The following SHISA9 variants were observed in gnomAD, a reference collection of about 807,000 sequenced individuals.
The protein encoded by SHISA9 is shisa family member 9.
In SHISA9, 13 loss-of-function variants were observed where a neutral mutation model predicts 38.0. That is an observed-to-expected ratio of 0.34 (90% CI 0.22 to 0.54). SHISA9 has a LOEUF of 0.54. Among genes scored for constraint, SHISA9 ranks in the 20% least tolerant of loss-of-function variants. The pLI is 0.91. For missense variants in SHISA9, 538 were observed against 575.8 expected, an observed-to-expected ratio of 0.93 and a Z score of 0.67; for synonymous variants, 275 against 242.0, an observed-to-expected ratio of 1.14 and a Z score of -1.27.
the SHISA9 span, among the ~76,000 whole-genome samples, chr16:13,536,627 C>T: frequency 1.3e-5 from 2 of 152,150 alleles, no homozygotes; most frequent in African/African-American, 2.4e-5. Flanking sequence ...AAGAAGAAGA[C>T]GCTGGAAGGG....
chr16:13,197,402 T>C (rs1162994686), intron 2 of SHISA9, among the ~76,000 whole-genome samples: 5 of 152,144 alleles, frequency 3.3e-5, no homozygotes, highest in African/African-American at 1.2e-4. Context: ...TCTCTCAGTA[T>C]TTATAACTGA....
At chr16:13,281,559 CTGTT>C in the SHISA9 span, among the ~76,000 whole-genome samples, 41,315 of 146,452 alleles carry the variant, frequency 0.28, 6,652 homozygotes, top group Admixed American at 0.42. Context: ...TCTCATTCCT[CTGTT>C]TTTTTTTTTC....
chr16:13,134,185 C>T (rs1208663251), intron 2 of SHISA9, among the ~76,000 whole-genome samples: 1 of 152,176 alleles, frequency 6.6e-6, no homozygotes, highest in African/African-American at 2.4e-5. Context: ...CAAGTGTAAA[C>T]TAAGCTACTT....
the SHISA9 span, among the ~76,000 whole-genome samples, chr16:13,445,869 A>T: frequency 6.6e-6 from 1 of 152,212 alleles, no homozygotes; most frequent in Non-Finnish European, 1.5e-5. Context: ...ATGGGGGCTA[A>T]TAACATTACC....
chr16:13,542,620 T>A, the SHISA9 span, among the ~76,000 whole-genome samples: 1 of 152,182 alleles, frequency 6.6e-6, no homozygotes, highest in Non-Finnish European at 1.5e-5. Flanking sequence ...CTGAATGAGC[T>A]ATCCTTTCTG....
At chr16:13,054,174 A>G (rs1017101827) in intron 2 of SHISA9, among the ~76,000 whole-genome samples, 3 of 152,224 alleles carry the variant, frequency 2.0e-5, no homozygotes, top group African/African-American at 7.2e-5. Flanking sequence ...ACCTAGAACC[A>G]TGCCTGGCAT....
intron 2 of SHISA9, among the ~76,000 whole-genome samples, chr16:12,978,830 T>C (rs923171779): frequency 6.6e-6 from 1 of 152,206 alleles, no homozygotes; most frequent in South Asian, 2.1e-4. Flanking sequence ...GATAGAAGGA[T>C]AGATGAGTGT....
intron 2 of SHISA9, among the ~76,000 whole-genome samples, chr16:13,012,216 T>C (rs571739824): frequency 8.0e-4 from 122 of 152,026 alleles, no homozygotes; most frequent in African/African-American, 2.7e-3. Flanking sequence ...CCTTACAGAG[T>C]GAACATTTTT....
In SHISA9 at chr16:12,979,480, A is replaced by G. The variant is rs185191985; in HGVS notation, c.691+62665A>G. 2.7e-4 allele frequency among the ~76,000 whole-genome samples: 41 copies of G among 152,304 alleles called. No homozygotes were observed. In the East Asian group the frequency reaches 3.3e-3, roughly 12 times the overall value. The stretch of plus-strand genomic sequence containing the variant: ...CCTGTGAGCCCATGCTCCAAACGAA[A>G]GCTAGAATATTGACAATAATGTGCT... On this transcript the variant is annotated intron_variant, in intron 2 of 4. Coordinates refer to ENST00000558583, the MANE Select transcript of SHISA9 (RefSeq NM_001145204.3).
chr16:12,911,180 C>T (rs1036506520), intron 1 of SHISA9: 14 of 872,056 alleles, frequency 1.6e-5, no homozygotes, highest in South Asian at 1.0e-4. Context: ...AGCTTGGGCA[C>T]GATCTCAGGC....
chr16:13,560,739 A>G, the SHISA9 span, among the ~76,000 whole-genome samples: 16,546 of 133,800 alleles, frequency 0.12, 1,056 homozygotes, highest in Middle Eastern at 0.19. Flanking sequence ...GATCTGTCCA[A>G]ATGCACTAAA....
At chr16:12,934,287 T>G (rs1376523061) in intron 2 of SHISA9, among the ~76,000 whole-genome samples, 1 of 152,252 alleles carries the variant, frequency 6.6e-6, no homozygotes, top group Non-Finnish European at 1.5e-5. Context: ...TTTATACATG[T>G]CCTATTGTGT....
chr16:12,977,208 G>T (rs2072175253), intron 2 of SHISA9, among the ~76,000 whole-genome samples: 1 of 152,154 alleles, frequency 6.6e-6, no homozygotes, highest in Non-Finnish European at 1.5e-5. Flanking sequence ...TTCCTGGGTG[G>T]ATAATCCTAT....
intron 2 of SHISA9, among the ~76,000 whole-genome samples, chr16:13,183,129 G>A (rs2050791805): frequency 6.6e-6 from 1 of 152,118 alleles, no homozygotes; most frequent in South Asian, 2.1e-4. Flanking sequence ...AATTCACAGG[G>A]CATAATTTCT....
At chr16:13,525,136 C>G in the SHISA9 span, among the ~76,000 whole-genome samples, 2 of 152,244 alleles carry the variant, frequency 1.3e-5, no homozygotes, top group East Asian at 3.9e-4. Flanking sequence ...GATTTTAGGT[C>G]AGTTCTAAGA....
intron 2 of SHISA9, among the ~76,000 whole-genome samples, chr16:13,053,632 T>C (rs1036545776): frequency 1.6e-4 from 24 of 151,546 alleles, no homozygotes; most frequent in African/African-American, 5.4e-4. Flanking sequence ...GTTGCTTTCT[T>C]CAGTTTTCAG....
downstream of SHISA9, among the ~76,000 whole-genome samples, chr16:13,244,971 A>G (rs536087218): frequency 1.4e-4 from 22 of 152,324 alleles, no homozygotes; most frequent in South Asian, 3.1e-3. Context: ...GCTGGAGTGC[A>G]GTGGAGCAAT....
At chr16:13,042,084 A>G (rs1477681997) in intron 2 of SHISA9, among the ~76,000 whole-genome samples, 1 of 152,186 alleles carries the variant, frequency 6.6e-6, no homozygotes, top group Non-Finnish European at 1.5e-5. Context: ...GCAATTACCA[A>G]CAACTATGGA....
the SHISA9 span, among the ~76,000 whole-genome samples, chr16:13,246,968 T>C: frequency 2.0e-5 from 3 of 149,950 alleles, no homozygotes; most frequent in South Asian, 6.2e-4. Flanking sequence ...ATGAAAGATA[T>C]ATAGTAAATA....
Sources: gnomAD v4.1 joint callset for allele counts (sites outside exome capture counted in the v4.1 genomes callset) on GRCh38, gnomAD v4.1.1 for gene constraint, MANE v1.5 for transcripts, NCBI Gene and HGNC (gene_info 2026-07-23, HGNC 2026-07-21) for gene names.